The following SLC44A5 variants were observed in gnomAD, a reference collection of about 807,000 sequenced individuals.
SLC44A5 encodes the protein choline transporter-like protein 5.
Under a neutral mutation model 101.8 loss-of-function variants are expected in SLC44A5, and 57 were observed. That is an observed-to-expected ratio of 0.56 (90% CI 0.45 to 0.70). SLC44A5 has a LOEUF of 0.70. Among genes scored for constraint, SLC44A5 ranks in the 30% least tolerant of loss-of-function variants. The pLI is 0.00. For missense variants in SLC44A5, 737 were observed against 853.1 expected, an observed-to-expected ratio of 0.86 and a Z score of 1.70; for synonymous variants, 281 against 290.9, an observed-to-expected ratio of 0.97 and a Z score of 0.35.
chr1:75,660,073 G>A, the SLC44A5 span, among the ~76,000 whole-genome samples: 77 of 152,006 alleles, frequency 5.1e-4, no homozygotes, highest in East Asian at 0.014. Flanking sequence ...GTGTGGTGGT[G>A]CATGCCTATA....
At chr1:75,418,743 C>G (rs1663818841) in intron 2 of SLC44A5, among the ~76,000 whole-genome samples, 1 of 152,136 alleles carries the variant, frequency 6.6e-6, no homozygotes, top group Non-Finnish European at 1.5e-5. Flanking sequence ...AATAGATTTG[C>G]TCACAAGATC....
At chr1:75,221,773 A>G (rs941310609) in intron 14 of SLC44A5, among the ~76,000 whole-genome samples, 2 of 152,250 alleles carry the variant, frequency 1.3e-5, no homozygotes, top group South Asian at 4.1e-4. Flanking sequence ...CTCCTAACAC[A>G]TATTTGGTGT....
At chr1:75,444,424 A>AGG (rs1207959698) in intron 2 of SLC44A5, among the ~76,000 whole-genome samples, 1 of 150,260 alleles carries the variant, frequency 6.7e-6, no homozygotes, top group Non-Finnish European at 1.5e-5. Context: ...AGAGAGAGAG[A>AGG]GAAAGAAAGA....
chr1:75,689,575 C>G, the SLC44A5 span, among the ~76,000 whole-genome samples: 1 of 152,182 alleles, frequency 6.6e-6, no homozygotes, highest in East Asian at 1.9e-4. Context: ...AGGGAAATAA[C>G]AAGAAGCTTT....
chr1:75,570,655 G>A (rs1198930258), intron 1 of SLC44A5, among the ~76,000 whole-genome samples: 3 of 152,114 alleles, frequency 2.0e-5, no homozygotes, highest in African/African-American at 4.8e-5. Context: ...AGTTTGCAAT[G>A]CCTAAATTTT....
chr1:75,460,681 A>G (rs1269131907), intron 2 of SLC44A5, among the ~76,000 whole-genome samples: 3 of 152,198 alleles, frequency 2.0e-5, no homozygotes, highest in African/African-American at 7.2e-5. Context: ...CAAGATTCCA[A>G]TAAAAGGGAT....
At chr1:75,353,942 C>G (rs1214634501) in intron 3 of SLC44A5, 1 of 291,780 alleles carries the variant, frequency 3.4e-6, no homozygotes, top group Non-Finnish European at 6.6e-6. Flanking sequence ...AAGGTAGAAC[C>G]TATTCTCAAC....
At chr1:75,298,143 T>C (rs1654116991) in intron 5 of SLC44A5, among the ~76,000 whole-genome samples, 1 of 152,198 alleles carries the variant, frequency 6.6e-6, no homozygotes, top group Non-Finnish European at 1.5e-5. Flanking sequence ...AGGTATATAT[T>C]CTTTCATGGT....
chr1:75,404,065 A>G (rs1662685414), intron 2 of SLC44A5, among the ~76,000 whole-genome samples: 2 of 152,096 alleles, frequency 1.3e-5, no homozygotes, highest in Admixed American at 6.5e-5. Context: ...ACAAGTATCA[A>G]TAGCTGAACT....
chr1:75,204,505 A>G (rs1218292560), intron 23 of SLC44A5: 1 of 151,738 alleles, frequency 6.6e-6, no homozygotes, highest in Non-Finnish European at 1.5e-5. Context: ...TTTTTTTTAA[A>G]CAGGGTTTTG....
intron 13 of SLC44A5, among the ~76,000 whole-genome samples, chr1:75,227,442 C>T (rs1386647730): frequency 6.6e-6 from 1 of 152,066 alleles, no homozygotes; most frequent in East Asian, 1.9e-4. Flanking sequence ...AAACATCTTT[C>T]TTAGACCTCA....
At chr1:75,401,241 C>A (rs1187684529) in intron 2 of SLC44A5, among the ~76,000 whole-genome samples, 1 of 152,214 alleles carries the variant, frequency 6.6e-6, no homozygotes, top group Non-Finnish European at 1.5e-5. Flanking sequence ...TTTATTCACT[C>A]ATTTAACAAA....
Position 75,252,019 on chromosome 1 carries a change from G to A in SLC44A5, c.261-725C>T, listed in dbSNP as rs115342989. Among the ~76,000 whole-genome samples, 831 of 152,256 alleles carry A rather than the reference G, an allele frequency of 5.5e-3. 9 individuals are homozygous for A. Among genetic ancestry groups the A allele is most frequent in the African/African-American group, 0.019 (802 of 41,520 alleles). The stretch of plus-strand genomic sequence containing the variant: ...GTGTTGGGAGGGCCTAAGATAATGC[G>A]TAGTGGACTTAAGACAAGTGGTTGC... On this transcript the variant is annotated intron_variant, in intron 6 of 23. Coordinates refer to ENST00000370859, the MANE Select transcript of SLC44A5 (RefSeq NM_001130058.2).
chr1:75,432,808 T>G (rs1664688122), intron 2 of SLC44A5, among the ~76,000 whole-genome samples: 1 of 152,136 alleles, frequency 6.6e-6, no homozygotes, highest in African/African-American at 2.4e-5. Context: ...TATTATGCTG[T>G]GTCATAAACA....
At chr1:75,675,396 C>T in the SLC44A5 span, among the ~76,000 whole-genome samples, 17 of 152,050 alleles carry the variant, frequency 1.1e-4, no homozygotes, top group African/African-American at 3.4e-4. Flanking sequence ...GTTTTTTTCA[C>T]GATTTGGCTC....
chr1:75,671,619 G>T, the SLC44A5 span, among the ~76,000 whole-genome samples: 2 of 152,240 alleles, frequency 1.3e-5, no homozygotes, highest in East Asian at 3.9e-4. Flanking sequence ...TTTAATAAAG[G>T]TATTGAATTA....
chr1:75,398,282 G>T, intron 2 of SLC44A5: 1 of 487,840 alleles, frequency 2.0e-6, no homozygotes, highest in Non-Finnish European at 2.7e-6. Context: ...AATAACAGTG[G>T]TCAGCCTCTG....
chr1:75,520,193 A>G (rs1389028227), intron 2 of SLC44A5, among the ~76,000 whole-genome samples: 1 of 152,196 alleles, frequency 6.6e-6, no homozygotes, highest in African/African-American at 2.4e-5. Context: ...TATTGTTATG[A>G]TGAAACACTC....
the SLC44A5 span, among the ~76,000 whole-genome samples, chr1:75,673,341 G>T: frequency 1.2e-4 from 18 of 152,134 alleles, no homozygotes; most frequent in African/African-American, 4.3e-4. Context: ...CTTGAGGAAG[G>T]GGGAGGAAAG....
Sources: allele counts gnomAD v4.1 joint callset (sites outside exome capture counted in the v4.1 genomes callset), GRCh38; gene constraint gnomAD v4.1.1; transcripts MANE v1.5; gene names NCBI Gene and HGNC (gene_info 2026-07-23, HGNC 2026-07-21).